The following PSME4 variants were observed in gnomAD, a reference collection of about 807,000 sequenced individuals.
PSME4 encodes proteasome activator subunit 4, also known as proteasome activator complex subunit 4.
In PSME4, 89 loss-of-function variants were observed where a neutral mutation model predicts 253.9. The observed-to-expected ratio is 0.35, with a 90% CI of 0.30 to 0.42. The LOEUF is 0.42. Among genes scored for constraint, PSME4 ranks in the 10% least tolerant of loss-of-function variants. The pLI, the probability that PSME4 is intolerant of heterozygous loss-of-function variation, is 1.00. For synonymous variants in PSME4, 851 were observed against 759.2 expected, an observed-to-expected ratio of 1.12 and a Z score of -1.99; for missense variants, 2,014 against 2,195.2, an observed-to-expected ratio of 0.92 and a Z score of 1.65.
chr2:53,955,761 G>A (rs805453), intron 1 of PSME4, among the ~76,000 whole-genome samples: 1 of 150,220 alleles, frequency 6.7e-6, no homozygotes, highest in East Asian at 2.0e-4. Flanking sequence ...GTGCCTACAA[G>A]ATATACAAAA....
rs191942041 is a variant in PSME4 at position 53,869,147 on chromosome 2, G to C, written c.5263+229C>G. 9.4e-4 allele frequency among the ~76,000 whole-genome samples: 143 copies of C among 152,232 alleles called. 1 individual carries two copies. Among genetic ancestry groups the C allele is most frequent in the Non-Finnish European group, 7.5e-4 (51 of 67,998 alleles). On this transcript the variant is annotated intron_variant, in intron 44 of 46. Coordinates refer to ENST00000404125, the MANE Select transcript of PSME4 (RefSeq NM_014614.3). Reference sequence around the variant, plus strand: ...GGAGGGTAGACTGAATACAATAGTTGTTAGGTAGCAGTTCTACAGGTTCCT... The same window carrying C: ...GGAGGGTAGACTGAATACAATAGTTCTTAGGTAGCAGTTCTACAGGTTCCT...
At chr2:53,961,068 T>C (rs886668297) in intron 1 of PSME4, among the ~76,000 whole-genome samples, 29 of 151,798 alleles carry the variant, frequency 1.9e-4, no homozygotes, top group Admixed American at 1.5e-3. Flanking sequence ...GATGGTACAA[T>C]TGCACTCCAG....
At chr2:53,880,906 G>A (rs954977539) in intron 41 of PSME4, among the ~76,000 whole-genome samples, 37 of 152,218 alleles carry the variant, frequency 2.4e-4, no homozygotes, top group South Asian at 8.3e-4. Context: ...GTATAAAAAA[G>A]AAGATATTCA....
intron 3 of PSME4, among the ~76,000 whole-genome samples, chr2:53,944,399 A>T (rs1203051785): frequency 6.6e-6 from 1 of 152,126 alleles, no homozygotes; most frequent in African/African-American, 2.4e-5. Context: ...ACCTCAGATG[A>T]TCCATCTACC....
chr2:53,884,735 G>A (rs985498996), intron 41 of PSME4, among the ~76,000 whole-genome samples: 1 of 152,130 alleles, frequency 6.6e-6, no homozygotes, highest in Non-Finnish European at 1.5e-5. Flanking sequence ...GGCAGACAAA[G>A]CCTACATACA....
intron 40 of PSME4, 41 bp from the exon 41 acceptor site, chr2:53,885,816 C>A: frequency 7.1e-7 from 1 of 1,402,736 alleles, no homozygotes. Context: ...CTTTGCCATT[C>A]ATTTACAGAC....
At chr2:53,950,725 C>T (rs1669938247) in intron 1 of PSME4, among the ~76,000 whole-genome samples, 2 of 151,840 alleles carry the variant, frequency 1.3e-5, no homozygotes, top group South Asian at 4.2e-4. Context: ...CCTGTAATCC[C>T]AGCTACTAGG....
chr2:53,888,978 G>A (rs1406546491), intron 37 of PSME4, among the ~76,000 whole-genome samples, 166 bp from the exon 38 acceptor site: 2 of 152,054 alleles, frequency 1.3e-5, no homozygotes, highest in South Asian at 2.1e-4. Flanking sequence ...TAATCCACCC[G>A]CCTCGGTCTC....
intron 27 of PSME4, among the ~76,000 whole-genome samples, chr2:53,903,386 G>A (rs955418532): frequency 1.3e-5 from 2 of 151,912 alleles, no homozygotes; most frequent in Admixed American, 6.6e-5. Context: ...CAATCAACAA[G>A]TCCCATCCGT....
At chr2:53,897,769 A>G (rs1680209355) in intron 31 of PSME4, 101 bp downstream of exon 31, 9 of 1,297,528 alleles carry the variant, frequency 6.9e-6, no homozygotes, top group Middle Eastern at 2.0e-4. Context: ...ACACTTCAAG[A>G]TATTTATTAA....
chr2:53,955,060 A>G (rs1036005141), intron 1 of PSME4, among the ~76,000 whole-genome samples: 4 of 151,990 alleles, frequency 2.6e-5, no homozygotes, highest in African/African-American at 9.7e-5. Flanking sequence ...AGTCCCAGCT[A>G]CTTGGGAGGC....
chr2:53,890,017 G>A, intron 37 of PSME4, 87 bp downstream of exon 37: 1 of 1,005,060 alleles, frequency 9.9e-7, no homozygotes, highest in South Asian at 1.5e-5. Flanking sequence ...GATTTAAGAA[G>A]TGTTATGAGA....
intron 1 of PSME4, among the ~76,000 whole-genome samples, chr2:53,963,511 AAC>A (rs1435884680): frequency 1.3e-5 from 2 of 152,222 alleles, no homozygotes; most frequent in African/African-American, 4.8e-5. Flanking sequence ...ACTGTACACT[AAC>A]CTATGAGCCT....
At chr2:53,924,460 T>C (rs1289161193) in intron 14 of PSME4, among the ~76,000 whole-genome samples, 1 of 152,134 alleles carries the variant, frequency 6.6e-6, no homozygotes, top group African/African-American at 2.4e-5. Flanking sequence ...CCAACCAATA[T>C]TGAATTAGTG....
In PSME4 at chr2:53,874,420, G is replaced by A. The variant is rs1328189566; in HGVS notation, c.5019C>T (p.Leu1673=). Residue 1673 remains leucine, a synonymous_variant, in exon 43 of 47, where the codon CTC becomes CTT. Coordinates refer to ENST00000404125, the MANE Select transcript of PSME4 (RefSeq NM_014614.3). ...CATCTTCATTGTTTAGGAAAATAAAGAGGTTATAAAATACCATGGTCTGGA... is the reference window on the plus strand; with the variant it reads ...CATCTTCATTGTTTAGGAAAATAAAAAGGTTATAAAATACCATGGTCTGGA... ...TYLQTMVFYN[L]FIFLNNEDAV... 6.2e-7 allele frequency: 1 copy of A among 1,613,996 alleles called. No homozygotes were observed. Among genetic ancestry groups the A allele is most frequent in the Non-Finnish European group, 8.5e-7 (1 of 1,179,890 alleles).
At position 53,866,391 on chromosome 2, in the gene PSME4, G is replaced by A. The variant is rs576211717; in HGVS notation, c.5398-168C>T. Among the ~76,000 whole-genome samples the A allele has an allele frequency of 3.9e-5, 6 of 152,310 alleles. No homozygotes were observed. In the South Asian group the frequency reaches 8.3e-4, roughly 21 times the overall value. ...AAGGACAAAGTGAATGGTCTTTTGAGTTACTAAAAATGCCATCATAATTTC... is the reference window on the plus strand; with the variant it reads ...AAGGACAAAGTGAATGGTCTTTTGAATTACTAAAAATGCCATCATAATTTC... On this transcript the variant is annotated intron_variant, in intron 45 of 46. Coordinates refer to ENST00000404125, the MANE Select transcript of PSME4 (RefSeq NM_014614.3).
chr2:53,934,480 A>T, intron 8 of PSME4, 125 bp downstream of exon 8: 1 of 968,130 alleles, frequency 1.0e-6, no homozygotes, highest in Non-Finnish European at 1.5e-6. Context: ...CTAAATCAGA[A>T]AATATCCAAG....
intron 1 of PSME4, among the ~76,000 whole-genome samples, chr2:53,966,926 C>T (rs1670765960): frequency 6.6e-6 from 1 of 152,084 alleles, no homozygotes; most frequent in Admixed American, 6.5e-5. Context: ...TCTCGAACTC[C>T]TGACCTCGTG....
intron 34 of PSME4, among the ~76,000 whole-genome samples, chr2:53,894,718 T>C (rs2104429139): frequency 6.6e-6 from 1 of 151,158 alleles, no homozygotes; most frequent in African/African-American, 2.5e-5. Context: ...AACGCTTGTA[T>C]CAGAACTGAT....
Sources: gnomAD v4.1 joint callset for allele counts (sites outside exome capture counted in the v4.1 genomes callset) on GRCh38, gnomAD v4.1.1 for gene constraint, MANE v1.5 for transcripts, NCBI Gene and HGNC (gene_info 2026-07-23, HGNC 2026-07-21) for gene names.